THSD7B: variants seen among roughly 807,000 people sequenced by gnomAD.
The protein encoded by THSD7B is thrombospondin type 1 domain containing 7B, also known as thrombospondin type-1 domain-containing protein 7B.
In THSD7B, 138 loss-of-function variants were observed where a neutral mutation model predicts 213.6. The observed-to-expected ratio is 0.65, with a 90% CI of 0.56 to 0.74. The LOEUF (loss-of-function observed/expected upper bound fraction) is 0.74. Ranked by LOEUF, THSD7B falls within the 30% of genes least tolerant of loss-of-function variation. THSD7B has a pLI of 0.00. For missense variants in THSD7B, 1,931 were observed against 1,991.5 expected, an observed-to-expected ratio of 0.97 and a Z score of 0.58; for synonymous variants, 742 against 687.0, an observed-to-expected ratio of 1.08 and a Z score of -1.25.
chr2:137,531,797 A>G (rs1371756215), intron 15 of THSD7B, among the ~76,000 whole-genome samples: 2 of 151,956 alleles, frequency 1.3e-5, no homozygotes, highest in East Asian at 1.9e-4. Context: ...ACTACCTAGT[A>G]TCTAATGCTT....
chr2:137,030,670 A>G lies in THSD7B; in HGVS notation c.140-25750A>G, dbSNP rs533941112. ...ATTACTCCGAAGTTACTCAAGAATC[A>G]AAAACCAAGTGAGAGCCGCATGTTC... On this transcript the variant is annotated intron_variant, in intron 2 of 27. Transcript: ENST00000409968. Among the ~76,000 whole-genome samples the G allele has an allele frequency of 4.1e-3, 628 of 152,288 alleles. 1 individual carries two copies. The highest frequency in any genetic ancestry group is 0.016 in the South Asian group (76 of 4,820).
chr2:137,513,414 A>G (rs1330856650), intron 15 of THSD7B, among the ~76,000 whole-genome samples: 1 of 152,200 alleles, frequency 6.6e-6, no homozygotes, highest in Non-Finnish European at 1.5e-5. Flanking sequence ...TCATATGCAA[A>G]TAAATCTAGG....
chr2:136,927,172 T>A (rs1684548826), intron 2 of THSD7B, among the ~76,000 whole-genome samples: 1 of 151,874 alleles, frequency 6.6e-6, no homozygotes, highest in African/African-American at 2.4e-5. Context: ...TGCATTTCTC[T>A]TCTTGCCAGT....
intron 14 of THSD7B, among the ~76,000 whole-genome samples, chr2:137,429,708 G>C (rs924725400): frequency 6.6e-6 from 1 of 152,158 alleles, no homozygotes; most frequent in African/African-American, 2.4e-5. Context: ...AAGAATGAGA[G>C]TGCATTGTTG....
At chr2:137,485,612 G>A (rs1426198388) in intron 15 of THSD7B, among the ~76,000 whole-genome samples, 3 of 152,148 alleles carry the variant, frequency 2.0e-5, no homozygotes, top group South Asian at 4.1e-4. Context: ...AATCTAGCAA[G>A]GCAGGGCAAC....
chr2:137,294,739 G>C (rs1207565497), intron 12 of THSD7B, among the ~76,000 whole-genome samples: 1 of 151,766 alleles, frequency 6.6e-6, no homozygotes, highest in Non-Finnish European at 1.5e-5. Context: ...GTATGTATAG[G>C]AAAAAACATA....
intron 14 of THSD7B, among the ~76,000 whole-genome samples, chr2:137,423,916 T>C (rs1413656562): frequency 5.3e-5 from 8 of 152,004 alleles, no homozygotes; most frequent in African/African-American, 1.9e-4. Flanking sequence ...CAAAACTTAC[T>C]ACAAAGTTAC....
At chr2:137,206,437 C>T (rs1473473491) in intron 7 of THSD7B, among the ~76,000 whole-genome samples, 1 of 152,048 alleles carries the variant, frequency 6.6e-6, no homozygotes, top group Non-Finnish European at 1.5e-5. Context: ...AGTTGCCACT[C>T]AGAGGTTTTC....
In THSD7B at chr2:137,655,685, C is replaced by A. The variant is rs377370323; in HGVS notation, c.4105+25C>A. On this transcript the variant is annotated intron_variant, in intron 22 of 27. Coordinates refer to ENST00000409968, the MANE Select transcript of THSD7B (RefSeq NM_001316349.2). Reference sequence around the variant, plus strand: ...GGTATGCAATGCTAGTGATTGGGAGCGCCTCCCATGGTGATCTTTTTGTTT... The same window carrying A: ...GGTATGCAATGCTAGTGATTGGGAGAGCCTCCCATGGTGATCTTTTTGTTT... 19 of 1,605,028 alleles carry A rather than the reference C, an allele frequency of 1.2e-5. No homozygotes were observed. The African/African-American group carries it at 2.4e-4, about 20-fold the overall frequency.
chr2:136,811,326 C>T (rs1682371457), intron 1 of THSD7B, among the ~76,000 whole-genome samples: 1 of 151,968 alleles, frequency 6.6e-6, no homozygotes, highest in African/African-American at 2.4e-5. Flanking sequence ...ACCCTCAGGC[C>T]TTAGAATAAA....
chr2:137,202,084 G>T (rs137881899), intron 7 of THSD7B, among the ~76,000 whole-genome samples: 1 of 151,986 alleles, frequency 6.6e-6, no homozygotes, highest in African/African-American at 2.4e-5. Flanking sequence ...CATTCAGAAC[G>T]CTGTCTTTTG....
chr2:137,363,442 TC>T (rs1291209473), intron 12 of THSD7B, among the ~76,000 whole-genome samples: 1 of 151,946 alleles, frequency 6.6e-6, no homozygotes, highest in African/African-American at 2.4e-5. Context: ...AATCAATGAA[TC>T]CAGGAGCTGG....
At chr2:136,911,817 T>C (rs184371761) in intron 2 of THSD7B, among the ~76,000 whole-genome samples, 2 of 152,254 alleles carry the variant, frequency 1.3e-5, no homozygotes, top group Admixed American at 6.5e-5. Flanking sequence ...ATCCTACGGA[T>C]ATATTTGAAT....
intron 12 of THSD7B, among the ~76,000 whole-genome samples, chr2:137,344,128 C>T (rs1684822896): frequency 6.6e-6 from 1 of 151,612 alleles, no homozygotes; most frequent in Admixed American, 6.6e-5. Flanking sequence ...ATCTAGGTTG[C>T]AGGCTTCTTA....
chr2:137,586,039 T>G (rs947325054), intron 17 of THSD7B, among the ~76,000 whole-genome samples: 3 of 151,998 alleles, frequency 2.0e-5, no homozygotes, highest in African/African-American at 4.8e-5. Flanking sequence ...GTGCATTATA[T>G]TTAGGATAGT....
At chr2:137,129,484 G>A (rs561153435) in intron 5 of THSD7B, among the ~76,000 whole-genome samples, 11 of 151,966 alleles carry the variant, frequency 7.2e-5, no homozygotes, top group Admixed American at 7.2e-4. Flanking sequence ...CTGTCACCCA[G>A]GCTGGAGTGT....
chr2:137,125,444 A>G (rs1158896791), intron 5 of THSD7B, among the ~76,000 whole-genome samples: 2 of 152,196 alleles, frequency 1.3e-5, no homozygotes, highest in African/African-American at 4.8e-5. Flanking sequence ...GCAATTCATC[A>G]TCCATTCAAG....
chr2:137,264,827 T>A (rs1047823641), intron 10 of THSD7B, among the ~76,000 whole-genome samples: 10 of 151,754 alleles, frequency 6.6e-5, no homozygotes, highest in African/African-American at 1.4e-4. Context: ...TTTTTTATTT[T>A]TTATTTATTA....
intron 15 of THSD7B, among the ~76,000 whole-genome samples, chr2:137,494,754 G>C (rs144693957): frequency 7.2e-4 from 109 of 152,130 alleles, no homozygotes; most frequent in African/African-American, 2.6e-3. Flanking sequence ...TTGTAACCAT[G>C]GCCCTTTGTG....
Sources: gnomAD v4.1 joint callset for allele counts (sites outside exome capture counted in the v4.1 genomes callset) on GRCh38, gnomAD v4.1.1 for gene constraint, MANE v1.5 for transcripts, NCBI Gene and HGNC (gene_info 2026-07-23, HGNC 2026-07-21) for gene names.